The following PTPRG variants were observed in gnomAD, a reference collection of about 807,000 sequenced individuals.
PTPRG encodes receptor-type tyrosine-protein phosphatase gamma.
Under a neutral mutation model 165.3 loss-of-function variants are expected in PTPRG, and 102 were observed. The ratio of observed to expected loss-of-function variants is 0.62; its 90% confidence interval spans 0.53 to 0.73. The LOEUF (loss-of-function observed/expected upper bound fraction) is 0.73. Ranked by LOEUF, PTPRG falls within the 30% of genes least tolerant of loss-of-function variation. The probability of loss-of-function intolerance (pLI) is 0.00; values close to 1 mark genes in which losing one functional copy is unlikely to be tolerated. For missense variants in PTPRG, 1,866 were observed against 1,861.4 expected, an observed-to-expected ratio of 1.00 and a Z score of -0.05; for synonymous variants, 675 against 669.5, an observed-to-expected ratio of 1.01 and a Z score of -0.13.
At chr3:61,795,969 T>C (rs2107148037) in intron 2 of PTPRG, among the ~76,000 whole-genome samples, 1 of 152,300 alleles carries the variant, frequency 6.6e-6, no homozygotes, top group South Asian at 2.1e-4. Context: ...TTTAACTTTA[T>C]TCAGATTTTG....
chr3:62,129,192 C>A (rs1480979122), intron 5 of PTPRG, among the ~76,000 whole-genome samples: 1 of 152,136 alleles, frequency 6.6e-6, no homozygotes, highest in South Asian at 2.1e-4. Flanking sequence ...GAGTATCAGA[C>A]ATGGAGAAGC....
At chr3:62,265,562 C>G (rs954610638) in intron 17 of PTPRG, among the ~76,000 whole-genome samples, 7 of 151,936 alleles carry the variant, frequency 4.6e-5, no homozygotes, top group African/African-American at 1.5e-4. Flanking sequence ...AGTTTTATTT[C>G]TAAATAAAAT....
At chr3:62,204,090 G>A in intron 12 of PTPRG, 140 bp downstream of exon 12, 2 of 1,376,770 alleles carry the variant, frequency 1.5e-6, no homozygotes, top group Non-Finnish European at 1.9e-6. Context: ...TAGAAAAGGT[G>A]CACACATGTG....
At chr3:62,084,868 TTA>T in intron 5 of PTPRG, among the ~76,000 whole-genome samples, 1 of 152,366 alleles carries the variant, frequency 6.6e-6, no homozygotes, top group Admixed American at 6.5e-5. Context: ...TCATTCATCA[TTA>T]TGTCTCTTAC....
chr3:61,913,428 C>T (rs1165457738), intron 2 of PTPRG, among the ~76,000 whole-genome samples: 1 of 152,154 alleles, frequency 6.6e-6, no homozygotes, highest in East Asian at 1.9e-4. Context: ...GCTGTGCTAG[C>T]CAGGATGGTT....
chr3:61,914,272 G>T (rs891159833), intron 2 of PTPRG, among the ~76,000 whole-genome samples: 2 of 152,172 alleles, frequency 1.3e-5, no homozygotes, highest in Admixed American at 6.5e-5. Flanking sequence ...TCCATGTGGG[G>T]TGCTGGAATA....
chr3:62,057,622 A>G (rs1409490428), intron 4 of PTPRG, among the ~76,000 whole-genome samples: 1 of 152,224 alleles, frequency 6.6e-6, no homozygotes, highest in African/African-American at 2.4e-5. Context: ...TAACAAAAAT[A>G]ACTCTGCCAG....
Position 62,277,644 on chromosome 3 carries a change from C to A in PTPRG, c.3730C>A (p.Gln1244Lys), listed in dbSNP as rs1702274025. Residue 1244 changes from glutamine (Q) to lysine (K), a missense_variant, in exon 26 of 30, where the codon CAG becomes AAG. Transcript: ENST00000474889. Reference protein sequence around the residue: ...FWRMIWDHNAQIIVMLPDNQS... With the variant: ...FWRMIWDHNAKIIVMLPDNQS... The stretch of plus-strand genomic sequence containing the variant: ...GCGAATGATTTGGGATCATAACGCA[C>A]AGATCATTGTCATGCTGCCAGACAA... The A allele has an allele frequency of 6.2e-7, 1 of 1,612,640 alleles. No homozygotes were observed. The highest frequency in any genetic ancestry group is 1.3e-5 in the African/African-American group (1 of 74,838).
chr3:61,902,127 G>A, intron 2 of PTPRG, among the ~76,000 whole-genome samples: 1 of 152,166 alleles, frequency 6.6e-6, no homozygotes, highest in East Asian at 1.9e-4. Context: ...TTCTCACCAT[G>A]GGGTGTACCA....
intron 2 of PTPRG, among the ~76,000 whole-genome samples, chr3:61,844,788 C>T (rs2036759572): frequency 6.6e-6 from 1 of 152,098 alleles, no homozygotes; most frequent in African/African-American, 2.4e-5. Context: ...CAGGCATGAG[C>T]CACCACACCT....
chr3:61,823,423 C>T (rs747394261), intron 2 of PTPRG, among the ~76,000 whole-genome samples: 7 of 152,068 alleles, frequency 4.6e-5, no homozygotes, highest in Non-Finnish European at 8.8e-5. Flanking sequence ...CTCCTGACCT[C>T]GTGATCCACC....
At chr3:61,602,621 T>C (rs1700900952) in intron 1 of PTPRG, among the ~76,000 whole-genome samples, 1 of 152,206 alleles carries the variant, frequency 6.6e-6, no homozygotes, top group African/African-American at 2.4e-5. Flanking sequence ...AACCAGACAC[T>C]GTCTATTACT....
intron 2 of PTPRG, among the ~76,000 whole-genome samples, chr3:61,979,975 C>T (rs1195419967): frequency 1.3e-5 from 2 of 151,658 alleles, no homozygotes; most frequent in African/African-American, 4.9e-5. Flanking sequence ...GGTAGGTATA[C>T]AGACCCTCAG....
chr3:61,581,888 G>A (rs1700303981), intron 1 of PTPRG, among the ~76,000 whole-genome samples: 1 of 152,094 alleles, frequency 6.6e-6, no homozygotes, highest in Non-Finnish European at 1.5e-5. Context: ...GGGATTACAG[G>A]TATGAGCCTG....
intron 5 of PTPRG, among the ~76,000 whole-genome samples, chr3:62,102,154 T>C (rs942905375): frequency 1.3e-5 from 2 of 152,208 alleles, no homozygotes; most frequent in African/African-American, 2.4e-5. Context: ...GGGTCTTGTT[T>C]CTTATCCATT....
intron 2 of PTPRG, among the ~76,000 whole-genome samples, chr3:61,868,973 A>C (rs2037486123): frequency 6.6e-6 from 1 of 151,946 alleles, no homozygotes; most frequent in South Asian, 2.1e-4. Flanking sequence ...ACTTCTAATA[A>C]CTTTTTTTTG....
chr3:62,178,683 T>G (rs1030513005), intron 8 of PTPRG, among the ~76,000 whole-genome samples: 7 of 152,214 alleles, frequency 4.6e-5, no homozygotes, highest in African/African-American at 1.7e-4. Context: ...GCGTTTGAGC[T>G]GATACTGGTA....
intron 6 of PTPRG, among the ~76,000 whole-genome samples, chr3:62,138,030 T>C (rs1703778335): frequency 6.6e-6 from 1 of 152,218 alleles, no homozygotes; most frequent in South Asian, 2.1e-4. Flanking sequence ...ATGCTTCTCA[T>C]CTTCAAGGCT....
chr3:62,282,252 T>G (rs1258003403), intron 27 of PTPRG, among the ~76,000 whole-genome samples: 6 of 152,052 alleles, frequency 3.9e-5, no homozygotes, highest in East Asian at 3.9e-4. Flanking sequence ...TACTTGGTTG[T>G]TTGTTTTGAG....
Sources: allele counts gnomAD v4.1 joint callset (sites outside exome capture counted in the v4.1 genomes callset), GRCh38; gene constraint gnomAD v4.1.1; transcripts MANE v1.5; gene names NCBI Gene and HGNC (gene_info 2026-07-23, HGNC 2026-07-21).